Variants in PDLIM5 observed in about 807,000 individuals in gnomAD.
The protein encoded by PDLIM5 is PDZ and LIM domain 5.
Under a neutral mutation model 64.2 loss-of-function variants are expected in PDLIM5, and 34 were observed. The ratio of observed to expected loss-of-function variants is 0.53; its 90% CI spans 0.40 to 0.71. The LOEUF is 0.71. PDLIM5 is among the 30% of genes least tolerant of loss of function. The probability of loss-of-function intolerance (pLI) is 0.00; values close to 1 mark genes in which losing one functional copy is unlikely to be tolerated. For synonymous variants in PDLIM5, 253 were observed against 269.1 expected (o/e 0.94, Z 0.59); for missense variants, 683 against 733.6 (o/e 0.93, Z 0.80).
In PDLIM5 at chr4:94,468,216, A is replaced by C. The variant is rs558209792; in HGVS notation, c.96+12832A>C. 5.9e-5 allele frequency among the ~76,000 whole-genome samples: 9 copies of C among 152,180 alleles called. 1 individual carries two copies. The East Asian group carries it at 1.7e-3, about 29-fold the overall frequency. ...TCACTCAGGTGGAGTGCAGTGGCAC[A>C]ATCAGAGCTCCATGCAGCCTTGAAC... On this transcript the variant is annotated intron_variant, in intron 2 of 12. Transcript: ENST00000317968.
intron 2 of PDLIM5, among the ~76,000 whole-genome samples, chr4:94,521,132 T>C (rs1017429391): frequency 1.1e-4 from 17 of 152,156 alleles, no homozygotes; most frequent in African/African-American, 4.1e-4. Flanking sequence ...AAATTATAGA[T>C]GGCTTGTATT....
chr4:94,492,932 A>G (rs553054967), intron 2 of PDLIM5, among the ~76,000 whole-genome samples: 104 of 152,216 alleles, frequency 6.8e-4, no homozygotes, highest in African/African-American at 2.5e-3. Context: ...ATGTTTAACT[A>G]TTTGAGGAAC....
intron 2 of PDLIM5, 84 bp from the exon 3 acceptor site, chr4:94,523,640 G>T: frequency 2.1e-6 from 2 of 962,600 alleles, no homozygotes; most frequent in Non-Finnish European, 1.6e-6. Flanking sequence ...ATATACTTTT[G>T]GTATAAGCAA....
At chr4:94,638,029 C>T (rs1467499394) in intron 8 of PDLIM5, among the ~76,000 whole-genome samples, 2 of 152,100 alleles carry the variant, frequency 1.3e-5, no homozygotes, top group East Asian at 1.9e-4. Flanking sequence ...TCTGTGCCTG[C>T]GTGAGTGGGA....
chr4:94,603,512 G>A (rs759315683), intron 7 of PDLIM5, among the ~76,000 whole-genome samples: 1 of 152,160 alleles, frequency 6.6e-6, no homozygotes, highest in Non-Finnish European at 1.5e-5. Context: ...AAACTGGGAC[G>A]TTGCCAAGAG....
intron 3 of PDLIM5, among the ~76,000 whole-genome samples, chr4:94,551,716 T>C (rs929609504): frequency 6.6e-6 from 1 of 152,064 alleles, no homozygotes; most frequent in Non-Finnish European, 1.5e-5. Context: ...TGCATACACA[T>C]GAGAAATTAA....
intron 3 of PDLIM5, among the ~76,000 whole-genome samples, chr4:94,535,452 T>G (rs180958590): frequency 3.5e-4 from 54 of 152,276 alleles, no homozygotes; most frequent in African/African-American, 1.3e-3. Context: ...ATGCCTTGTC[T>G]CACAAATTTG....
Position 94,657,499 on chromosome 4 carries a change from C to G in PDLIM5, c.1537C>G (p.Arg513Gly). The change falls in exon 11 of 13, where the codon CGG (arginine) becomes GGG (glycine). Residue 513 changes from arginine to glycine, a missense_variant. By Grantham distance (125) the Arg-to-Gly change is moderately radical. Coordinates refer to ENST00000317968, the MANE Select transcript of PDLIM5 (RefSeq NM_006457.5). ...FVCVACGKPI[R>G]NNVFHLEDGE... ...GTGTGTAGCCTGTGGAAAGCCCATT[C>G]GGAACAATGTTTTTCACTTGGAGGA... 1.9e-6 allele frequency: 3 copies of G among 1,609,444 alleles called. No homozygotes were observed. The highest frequency in any genetic ancestry group is 8.5e-7 in the Non-Finnish European group (1 of 1,175,900).
At chr4:94,625,742 T>C (rs373652328) in intron 8 of PDLIM5, among the ~76,000 whole-genome samples, 14 of 152,276 alleles carry the variant, frequency 9.2e-5, no homozygotes, top group African/African-American at 1.2e-4. Context: ...CGTGAGCCAC[T>C]GCGCCCGGCC....
intron 3 of PDLIM5, among the ~76,000 whole-genome samples, chr4:94,569,865 GTA>G (rs1056907205): frequency 6.6e-6 from 1 of 152,078 alleles, no homozygotes; most frequent in African/African-American, 2.4e-5. Context: ...AGGTATTTAA[GTA>G]TTAATCATTT....
chr4:94,526,730 C>T (rs1212576792), intron 3 of PDLIM5, among the ~76,000 whole-genome samples: 1 of 144,300 alleles, frequency 6.9e-6, no homozygotes, highest in Non-Finnish European at 1.5e-5. Context: ...AACAGCATTT[C>T]TTTCTTTCTT....
At position 94,455,294 on chromosome 4, in the gene PDLIM5, C is replaced by T. The variant is rs1723231407; in HGVS notation, c.6C>T (p.Ser2=). ...GACTTTGAGCCATTAGAACCATGAGCAACTACAGTGTGTCACTGGTTGGCC... is the reference window on the plus strand; with the variant it reads ...GACTTTGAGCCATTAGAACCATGAGTAACTACAGTGTGTCACTGGTTGGCC... M[S]NYSVSLVGPA... is the part of the protein sequence containing the mutation. Residue 2 remains serine (S), a synonymous_variant, in exon 2 of 13, where the codon AGC becomes AGT. Transcript: ENST00000317968. The T allele has an allele frequency of 6.2e-7, 1 of 1,605,550 alleles. No individual in the cohort carries two copies. Among genetic ancestry groups the T allele is most frequent in the Non-Finnish European group, 8.5e-7 (1 of 1,172,220 alleles).
At chr4:94,657,186 T>G (rs1461653425) in intron 10 of PDLIM5, among the ~76,000 whole-genome samples, 2 of 152,210 alleles carry the variant, frequency 1.3e-5, no homozygotes, top group Non-Finnish European at 1.5e-5. Context: ...TGATCATTCT[T>G]TAAGTTTATT....
intron 8 of PDLIM5, among the ~76,000 whole-genome samples, chr4:94,622,132 C>T (rs1739285875): frequency 6.6e-6 from 1 of 152,070 alleles, no homozygotes; most frequent in African/African-American, 2.4e-5. Flanking sequence ...AATGGTATAC[C>T]ATAGTTTAAA....
chr4:94,611,469 A>AT (rs1292003558), intron 7 of PDLIM5, among the ~76,000 whole-genome samples: 1 of 152,236 alleles, frequency 6.6e-6, no homozygotes, highest in Non-Finnish European at 1.5e-5. Context: ...TTGTGCAAGT[A>AT]TTTAAATTGC....
At chr4:94,464,362 T>C (rs1034545600) in intron 2 of PDLIM5, among the ~76,000 whole-genome samples, 1 of 152,178 alleles carries the variant, frequency 6.6e-6, no homozygotes, top group African/African-American at 2.4e-5. Flanking sequence ...GATTTAAGTG[T>C]TGTGATTCAG....
chr4:94,629,843 C>T (rs1051450186), intron 8 of PDLIM5, among the ~76,000 whole-genome samples: 3 of 152,234 alleles, frequency 2.0e-5, no homozygotes, highest in Non-Finnish European at 2.9e-5. Context: ...ATTGCACAAT[C>T]GTCTCCAGAA....
chr4:94,515,489 G>A (rs930392195), intron 2 of PDLIM5, among the ~76,000 whole-genome samples: 2 of 152,102 alleles, frequency 1.3e-5, no homozygotes, highest in African/African-American at 2.4e-5. Flanking sequence ...TAGCTTGTGG[G>A]TTTTGAAAGG....
At chr4:94,568,570 A>T (rs1056310012) in intron 3 of PDLIM5, among the ~76,000 whole-genome samples, 6 of 151,976 alleles carry the variant, frequency 3.9e-5, no homozygotes, top group Admixed American at 2.6e-4. Context: ...AGAAAAATGG[A>T]TTTTTTTTCT....
Sources: gnomAD v4.1 joint callset for allele counts (sites outside exome capture counted in the v4.1 genomes callset) on GRCh38, gnomAD v4.1.1 for gene constraint, MANE v1.5 for transcripts, NCBI Gene and HGNC (gene_info 2026-07-23, HGNC 2026-07-21) for gene names.